Variants in VPS13B observed in about 807,000 individuals in gnomAD.
The protein encoded by VPS13B is vacuolar protein sorting 13 homolog B.
VPS13B carries 285 observed loss-of-function variants against 426.4 expected under a neutral mutation model. The observed-to-expected ratio is 0.67, with a 90% CI of 0.61 to 0.74. The LOEUF (loss-of-function observed/expected upper bound fraction) is 0.74. VPS13B is among the 30% of genes least tolerant of loss of function. The pLI is 0.00. For synonymous variants in VPS13B, 1,676 were observed against 1,676.4 expected (o/e 1.00, Z 0.01); for missense variants, 4,537 against 4,782.6 (o/e 0.95, Z 1.51).
chr8:99,272,951 ATTGGAG>A, intron 17 of VPS13B, among the ~76,000 whole-genome samples: 1 of 152,170 alleles, frequency 6.6e-6, no homozygotes, highest in Non-Finnish European at 1.5e-5. Flanking sequence ...GGAAATGTTC[ATTGGAG>A]CACTTTTGAT....
intron 39 of VPS13B, among the ~76,000 whole-genome samples, chr8:99,740,476 C>A (rs1038117045): frequency 1.2e-4 from 18 of 152,096 alleles, no homozygotes; most frequent in Middle Eastern, 3.2e-3. Context: ...CAGAGAACGC[C>A]ACAAAGATAC....
At chr8:99,493,522 C>T (rs1820726672) in intron 25 of VPS13B, among the ~76,000 whole-genome samples, 1 of 152,080 alleles carries the variant, frequency 6.6e-6, no homozygotes, top group South Asian at 2.1e-4. Context: ...TGGTGGCTCA[C>T]ACCTGTCGTC....
At chr8:99,292,619 C>T (rs1272620476) in intron 19 of VPS13B, among the ~76,000 whole-genome samples, 1 of 152,068 alleles carries the variant, frequency 6.6e-6, no homozygotes, top group Non-Finnish European at 1.5e-5. Context: ...AAAAGTTAAA[C>T]ACATGGACCT....
Position 99,601,871 on chromosome 8 carries a change from A to G in VPS13B, c.5220+24238A>G, listed in dbSNP as rs185354753. Among the ~76,000 whole-genome samples the G allele has an allele frequency of 1.2e-4, 19 of 152,240 alleles. No homozygotes were observed. The East Asian group carries it at 3.1e-3, about 25-fold the overall frequency. On this transcript the variant is annotated intron_variant, in intron 33 of 61. Coordinates refer to ENST00000357162, the MANE Select transcript of VPS13B (RefSeq NM_152564.5). ...TGTTTCTTTCTTGTAAATTTGTTTAAGTTCTTTGTAGATTCTAGATATTAG... is the reference window on the plus strand; with the variant it reads ...TGTTTCTTTCTTGTAAATTTGTTTAGGTTCTTTGTAGATTCTAGATATTAG...
intron 39 of VPS13B, among the ~76,000 whole-genome samples, chr8:99,762,081 A>G (rs1810960672): frequency 6.6e-6 from 1 of 151,704 alleles, no homozygotes; most frequent in Non-Finnish European, 1.5e-5. Flanking sequence ...GGCTGGGTGC[A>G]GTGGCACAAT....
At chr8:99,259,904 C>T (rs186125572) in intron 17 of VPS13B, among the ~76,000 whole-genome samples, 74 of 152,062 alleles carry the variant, frequency 4.9e-4, no homozygotes, top group African/African-American at 1.5e-3. Context: ...GAGCAGAAAC[C>T]GCCAGTGGCC....
rs767548464 is a variant in VPS13B, at chr8:99,661,433, A to G, written c.5988A>G (p.Lys1996=). 1.2e-6 allele frequency: 2 copies of G among 1,613,768 alleles called. No homozygotes were observed. Among genetic ancestry groups the G allele is most frequent in the Admixed American group, 3.3e-5 (2 of 59,958 alleles). Residue 1996 remains lysine, a synonymous_variant, in exon 35 of 62, where the codon AAA becomes AAG. Coordinates refer to ENST00000357162, the MANE Select transcript of VPS13B (RefSeq NM_152564.5). ...CAGTGCCTGGAGAAATAGACAGCAA[A>G]AGTGGTATTCCACCTTCCTTTATAA... ...LQTVPGEIDS[K]SGIPPSFITL... is the part of the protein sequence containing the mutation.
intron 3 of VPS13B, among the ~76,000 whole-genome samples, chr8:99,048,713 G>T (rs1843361547): frequency 6.6e-6 from 1 of 151,968 alleles, no homozygotes; most frequent in Non-Finnish European, 1.5e-5. Context: ...CACTCAGGGG[G>T]CTGAGGCAGG....
intron 37 of VPS13B, among the ~76,000 whole-genome samples, chr8:99,719,559 C>T (rs972389830): frequency 5.3e-5 from 8 of 152,072 alleles, no homozygotes; most frequent in African/African-American, 1.9e-4. Flanking sequence ...TTCTGCGTTA[C>T]CTGGTTCTCT....
At chr8:99,545,358 A>C (rs908236407) in intron 30 of VPS13B, among the ~76,000 whole-genome samples, 2 of 152,118 alleles carry the variant, frequency 1.3e-5, no homozygotes, top group African/African-American at 4.8e-5. Context: ...GTGATAGTGG[A>C]AATTTCTGTA....
chr8:99,467,284 A>G, intron 23 of VPS13B, 130 bp from the exon 24 acceptor site: 1 of 966,898 alleles, frequency 1.0e-6, no homozygotes. Context: ...TGGTCTCAGG[A>G]ATACTATATT....
chr8:99,466,397 G>A (rs1181829422), intron 23 of VPS13B, among the ~76,000 whole-genome samples: 1 of 152,010 alleles, frequency 6.6e-6, no homozygotes, highest in African/African-American at 2.4e-5. Context: ...TATACTCTCT[G>A]TACTGACAAG....
intron 30 of VPS13B, among the ~76,000 whole-genome samples, chr8:99,524,477 A>G (rs1442103367): frequency 6.6e-6 from 1 of 152,172 alleles, no homozygotes; most frequent in East Asian, 1.9e-4. Flanking sequence ...ATCCTAAAAG[A>G]AGCAAGCAAA....
chr8:99,323,717 G>C (rs1355044816), intron 19 of VPS13B, among the ~76,000 whole-genome samples: 1 of 152,200 alleles, frequency 6.6e-6, no homozygotes, highest in African/African-American at 2.4e-5. Context: ...AAGTACACTT[G>C]AAAACATAGT....
Position 99,875,788 on chromosome 8 carries a change from C to G in VPS13B, c.*122C>G. 2 of 1,326,414 alleles carry G rather than the reference C, an allele frequency of 1.5e-6. No homozygotes were observed. The highest frequency in any genetic ancestry group is 2.1e-6 in the Non-Finnish European group (2 of 945,808). The allele number at this position is 1,326,414 out of a possible 1,614,324, so 82.2% of individuals were successfully genotyped here. ...TGGGGTTCAAGCAATCCTCCCACCTCAACCCACAAGTAGCTACGACTGCAA... is the reference window on the plus strand; with the variant it reads ...TGGGGTTCAAGCAATCCTCCCACCTGAACCCACAAGTAGCTACGACTGCAA... On this transcript the variant is annotated 3_prime_UTR_variant, in exon 62 of 62. Transcript: ENST00000357162.
At chr8:99,756,109 G>A (rs564307861) in intron 39 of VPS13B, among the ~76,000 whole-genome samples, 5 of 152,054 alleles carry the variant, frequency 3.3e-5, no homozygotes, top group African/African-American at 1.2e-4. Context: ...CTTAAGTATA[G>A]GAATCATGTC....
chr8:99,744,987 A>G (rs1810006541), intron 39 of VPS13B, among the ~76,000 whole-genome samples: 2 of 152,014 alleles, frequency 1.3e-5, no homozygotes, highest in African/African-American at 4.8e-5. Context: ...AAAAGAACCT[A>G]TCAGTTTTTT....
intron 54 of VPS13B, among the ~76,000 whole-genome samples, chr8:99,847,024 C>T (rs905114515): frequency 2.6e-5 from 4 of 151,862 alleles, no homozygotes; most frequent in Non-Finnish European, 5.9e-5. Flanking sequence ...CCTTATGTAT[C>T]ATACAAAGGG....
At chr8:99,219,393 A>G (rs1490735496) in intron 17 of VPS13B, among the ~76,000 whole-genome samples, 1 of 152,226 alleles carries the variant, frequency 6.6e-6, no homozygotes, top group Admixed American at 6.5e-5. Context: ...CAAAGGCCCC[A>G]TTAGGCCTGC....
Sources: gnomAD v4.1 joint callset for allele counts (sites outside exome capture counted in the v4.1 genomes callset) on GRCh38, gnomAD v4.1.1 for gene constraint, MANE v1.5 for transcripts, NCBI Gene and HGNC (gene_info 2026-07-23, HGNC 2026-07-21) for gene names.